NLRP13: variants seen among roughly 807,000 people sequenced by gnomAD.
NLRP13 encodes NACHT, LRR and PYD domains-containing protein 13.
In NLRP13, 82 loss-of-function variants were observed where a neutral mutation model predicts 94.4. The observed-to-expected ratio is 0.87, with a 90% CI of 0.73 to 1.04. The LOEUF is 1.04. NLRP13 is among the 50% of genes least tolerant of loss of function. The pLI is 0.00. For missense variants in NLRP13, 1,426 were observed against 1,230.8 expected, an observed-to-expected ratio of 1.16 and a Z score of -2.37; for synonymous variants, 553 against 464.7, an observed-to-expected ratio of 1.19 and a Z score of -2.45.
intron 1 of NLRP13, among the ~76,000 whole-genome samples, chr19:55,931,401 A>G (rs1433216920): frequency 6.6e-5 from 10 of 152,006 alleles, no homozygotes; most frequent in Non-Finnish European, 1.5e-4. Flanking sequence ...ACACTGGGAC[A>G]AATTTGCATG....
chr19:55,923,386 C>T (rs1986886182), intron 4 of NLRP13, among the ~76,000 whole-genome samples: 1 of 152,170 alleles, frequency 6.6e-6, no homozygotes, highest in African/African-American at 2.4e-5. Context: ...ATGGTTCTTA[C>T]CCTGGGGCAA....
At chr19:55,915,579 C>T (rs563376416) in intron 4 of NLRP13, among the ~76,000 whole-genome samples, 9 of 152,236 alleles carry the variant, frequency 5.9e-5, no homozygotes, top group African/African-American at 9.6e-5. Context: ...GCCTGGGCAA[C>T]GGGGCAAGAC....
chr19:55,907,990 G>C (rs1266738437), intron 6 of NLRP13, 34 bp from the exon 7 acceptor site: 1 of 1,567,584 alleles, frequency 6.4e-7, no homozygotes, highest in Non-Finnish European at 8.7e-7. Context: ...AGCTGGATTG[G>C]GGGAGAAGAC....
chr19:55,907,689 C>T, intron 7 of NLRP13, 103 bp downstream of exon 7: 1 of 1,101,522 alleles, frequency 9.1e-7, no homozygotes. Context: ...TCTCTGTCTC[C>T]TTTTGCTACA....
chr19:55,918,604 C>G (rs935593633), intron 4 of NLRP13, among the ~76,000 whole-genome samples: 1 of 152,004 alleles, frequency 6.6e-6, no homozygotes, highest in African/African-American at 2.4e-5. Context: ...ACTCTATACT[C>G]ACAAACTAAA....
At chr19:55,924,298 T>C (rs1457026511) in intron 3 of NLRP13, among the ~76,000 whole-genome samples, 1 of 152,010 alleles carries the variant, frequency 6.6e-6, no homozygotes, top group Non-Finnish European at 1.5e-5. Context: ...GATTTTTGTA[T>C]TTTTAGTAGA....
intron 4 of NLRP13, among the ~76,000 whole-genome samples, chr19:55,915,462 G>T (rs1459078579): frequency 1.3e-5 from 2 of 152,066 alleles, no homozygotes; most frequent in Non-Finnish European, 2.9e-5. Context: ...GCCAGGCATG[G>T]TGGCACGCGC....
rs1221635804 is a variant in NLRP13, at chr19:55,911,993, T to G, written c.1824A>C (p.Ile608=). 6.2e-7 allele frequency: 1 copy of G among 1,614,214 alleles called. No homozygotes were observed. Among genetic ancestry groups the G allele is most frequent in the East Asian group, 2.2e-5 (1 of 44,884 alleles). Residue 608 remains isoleucine (I), a synonymous_variant, in exon 5 of 11, where the codon ATA becomes ATC. Transcript: ENST00000342929. ...ATAATTCCTCCATTACCCTGGGAGA[T>G]ATTTTACAATGCAAAGTATCTTCCA... ...RELEDTLHCK[I]SPRVMEELLK...
At chr19:55,909,888 C>G (rs1433579776) in intron 6 of NLRP13, among the ~76,000 whole-genome samples, 2 of 152,198 alleles carry the variant, frequency 1.3e-5, no homozygotes, top group African/African-American at 4.8e-5. Flanking sequence ...CTTCCCTACA[C>G]TGAGTCAAGT....
At chr19:55,903,868 G>T (rs11671352) in intron 8 of NLRP13, among the ~76,000 whole-genome samples, 1 of 151,906 alleles carries the variant, frequency 6.6e-6, no homozygotes, top group Non-Finnish European at 1.5e-5. Flanking sequence ...TGGTATTTTT[G>T]TCCGGACTGT....
intron 4 of NLRP13, among the ~76,000 whole-genome samples, chr19:55,914,422 G>T (rs1986628251): frequency 6.6e-6 from 1 of 152,182 alleles, no homozygotes; most frequent in Admixed American, 6.5e-5. Flanking sequence ...AGATTATGAT[G>T]CATCAGTGTA....
intron 4 of NLRP13, among the ~76,000 whole-genome samples, chr19:55,922,401 C>T (rs1220244095): frequency 1.3e-5 from 2 of 152,000 alleles, no homozygotes; most frequent in Non-Finnish European, 2.9e-5. Context: ...GATCTTGGCT[C>T]ACTGCAACCT....
chr19:55,928,256 C>G (rs968518323), intron 1 of NLRP13, among the ~76,000 whole-genome samples: 2 of 152,148 alleles, frequency 1.3e-5, no homozygotes, highest in Non-Finnish European at 2.9e-5. Context: ...TGCCGCCATT[C>G]GAAATCAGCA....
At chr19:55,910,789 C>T in intron 5 of NLRP13, 56 bp from the exon 6 acceptor site, 2 of 1,375,514 alleles carry the variant, frequency 1.5e-6, no homozygotes, top group South Asian at 2.7e-5. Flanking sequence ...AAGCAATACC[C>T]AGAATACAAC....
chr19:55,931,792 G>A (rs1218458052), intron 1 of NLRP13, among the ~76,000 whole-genome samples: 1 of 150,766 alleles, frequency 6.6e-6, no homozygotes, highest in Non-Finnish European at 1.5e-5. Context: ...TCCCTTTCTT[G>A]CCTTTGCTAC....
rs150877470 is a variant in NLRP13, at chr19:55,930,105, G to C, written c.319+1888C>G. Among the ~76,000 whole-genome samples, 64 of 152,188 alleles carry C rather than the reference G, an allele frequency of 4.2e-4. No individual in the cohort carries two copies. In the South Asian group the frequency reaches 0.013, roughly 31 times the overall value. On this transcript the variant is annotated intron_variant, in intron 1 of 10. Transcript: ENST00000342929. ...GAACTTGTATGACTCCGCATGCCCC[G>C]TGTCCAGGGTTCTGATATGGAAGAC...
intron 1 of NLRP13, among the ~76,000 whole-genome samples, chr19:55,930,898 A>ATATATATATATATACACACACACGTAT: frequency 9.5e-6 from 1 of 104,898 alleles, no homozygotes; most frequent in African/African-American, 3.9e-5. Context: ...ATATATATAT[A>ATATATATATATATACACACACACGTAT]AAATTTTAAC....
Position 55,912,920 on chromosome 19 carries a change from G to C in NLRP13, c.897C>G (p.Phe299Leu). ...ACAGGAGCTTCTCTGGTTGAGACAT[G>C]AACTCTTCAATGGGGGCATCAAAAT... is the stretch of plus-strand genomic sequence containing the variant. ...WPDFDAPIEE[F>L]MSQPEKLLFI... Residue 299 changes from phenylalanine to leucine, a missense_variant, in exon 5 of 11, where the codon TTC (phenylalanine) becomes TTG (leucine). Coordinates refer to ENST00000342929, the MANE Select transcript of NLRP13 (RefSeq NM_176810.2). 6.2e-7 allele frequency: 1 copy of C among 1,614,106 alleles called. No individual in the cohort carries two copies. Among genetic ancestry groups the C allele is most frequent in the Non-Finnish European group, 8.5e-7 (1 of 1,179,980 alleles).
At chr19:55,894,043 C>CTT (rs36039690), downstream of NLRP13, among the ~76,000 whole-genome samples, 10,532 of 112,788 alleles carry the variant, frequency 0.093, 963 homozygotes, top group African/African-American at 0.21. Flanking sequence ...CATGCCCCAA[C>CTT]TTTTTTTTTT....
Sources: allele counts gnomAD v4.1 joint callset (sites outside exome capture counted in the v4.1 genomes callset), GRCh38; gene constraint gnomAD v4.1.1; transcripts MANE v1.5; gene names NCBI Gene and HGNC (gene_info 2026-07-23, HGNC 2026-07-21).